PCDH11Y: variants seen among roughly 807,000 people sequenced by gnomAD.
The protein encoded by PCDH11Y is protocadherin-11 Y-linked.
For missense variants in PCDH11Y, 12 were observed against 224.8 expected (o/e 0.05, Z 6.05); for synonymous variants, 9 against 83.6 (o/e 0.11, Z 4.87).
At chrY:5,180,950 C>G in intron 2 of PCDH11Y, among the ~76,000 whole-genome samples, 4 of 32,892 alleles carry the variant, frequency 1.2e-4, no homozygotes, top group Admixed American at 5.6e-4. Context: ...TGAATTTGAT[C>G]CTGCCATCAT....
rs1602962265 is a variant in PCDH11Y at position 5,703,448 on chromosome Y, T to G, written c.3353-33824T>G. ...TCAGCTAGACTGATCAAAAAATATATGAAAGCAAAAATCACCATTATCAGT... is the reference window on the plus strand; with the variant it reads ...TCAGCTAGACTGATCAAAAAATATAGGAAAGCAAAAATCACCATTATCAGT... On this transcript the variant is annotated intron_variant, in intron 4 of 4. Transcript: ENST00000400457. Among the ~76,000 whole-genome samples, 56 of 33,449 alleles carry G rather than the reference T, an allele frequency of 1.7e-3. No individual in the cohort carries two copies. The South Asian group carries it at 0.036, about 21-fold the overall frequency. The allele number at this position is 33,449 out of a possible 37,273, so 89.7% of individuals were successfully genotyped here.
intron 4 of PCDH11Y, among the ~76,000 whole-genome samples, chrY:5,587,372 T>C: frequency 6.1e-5 from 2 of 33,019 alleles, no homozygotes; most frequent in Non-Finnish European, 1.5e-4. Context: ...GAATGATCTC[T>C]TTGCTGAGGA....
At chrY:5,064,866 G>C in intron 1 of PCDH11Y, among the ~76,000 whole-genome samples, 2 of 28,663 alleles carry the variant, frequency 7.0e-5, no homozygotes, top group Non-Finnish European at 1.6e-4. Context: ...CTGCCACAAA[G>C]CTTGGCTAAT....
At chrY:5,114,410 G>A in intron 2 of PCDH11Y, 1 of 59,411 alleles carries the variant, frequency 1.7e-5, no homozygotes, top group Non-Finnish European at 4.0e-5. Context: ...AGACACCGCT[G>A]CAAGGACAAA....
chrY:5,713,525 G>A (rs2053587794), intron 4 of PCDH11Y, among the ~76,000 whole-genome samples: 35 of 31,611 alleles, frequency 1.1e-3, no homozygotes, highest in African/African-American at 3.9e-3. Context: ...TTCCAGAATT[G>A]TGTGAGATTC....
intron 2 of PCDH11Y, among the ~76,000 whole-genome samples, chrY:5,499,309 C>T: frequency 3.0e-5 from 1 of 33,348 alleles, no homozygotes; most frequent in African/African-American, 1.2e-4. Context: ...CTCTGAGAGG[C>T]CCAAAGGAAT....
intron 2 of PCDH11Y, among the ~76,000 whole-genome samples, chrY:5,330,864 T>C: frequency 2.9e-5 from 1 of 34,183 alleles, no homozygotes; most frequent in Non-Finnish European, 7.3e-5. Context: ...CTTATGACTA[T>C]TGAACAATTC....
intron 1 of PCDH11Y, among the ~76,000 whole-genome samples, chrY:5,082,265 G>C: frequency 3.0e-5 from 1 of 33,598 alleles, no homozygotes; most frequent in Non-Finnish European, 7.4e-5. Context: ...GCTGGATTCA[G>C]TTTGCCAGTA....
chrY:5,163,414 A>G, intron 2 of PCDH11Y, among the ~76,000 whole-genome samples: 2 of 33,176 alleles, frequency 6.0e-5, no homozygotes, highest in Non-Finnish European at 1.5e-4. Context: ...ACTACAAATG[A>G]TCACTACAGG....
At chrY:5,088,015 G>A (rs2124633288) in intron 1 of PCDH11Y, among the ~76,000 whole-genome samples, 1 of 32,446 alleles carries the variant, frequency 3.1e-5, no homozygotes, top group Non-Finnish European at 7.5e-5. Flanking sequence ...GTTGGGGGAG[G>A]AGAAGTGGCT....
chrY:5,103,803 A>T, downstream of PCDH11Y, among the ~76,000 whole-genome samples: 2 of 32,133 alleles, frequency 6.2e-5, no homozygotes, highest in Non-Finnish European at 1.5e-4. Context: ...ATAAATAATT[A>T]TTTTAAAATC....
chrY:5,044,850 C>G, intron 3 of PCDH11Y, among the ~76,000 whole-genome samples: 1 of 33,199 alleles, frequency 3.0e-5, no homozygotes, highest in Non-Finnish European at 7.4e-5. Context: ...GAATTGATCC[C>G]TTTACCATTA....
At chrY:5,250,484 G>A (rs2053002890) in intron 2 of PCDH11Y, among the ~76,000 whole-genome samples, 1 of 31,403 alleles carries the variant, frequency 3.2e-5, no homozygotes, top group East Asian at 8.4e-4. Context: ...GAAGCTGGGG[G>A]CCATTACTTT....
intron 2 of PCDH11Y, among the ~76,000 whole-genome samples, chrY:5,224,436 G>A: frequency 3.2e-5 from 1 of 30,872 alleles, no homozygotes; most frequent in African/African-American, 1.3e-4. Context: ...TTCAGAGTAA[G>A]CAGGTGTAAA....
chrY:5,270,296 T>C (rs2053033434), intron 2 of PCDH11Y, among the ~76,000 whole-genome samples: 1 of 27,938 alleles, frequency 3.6e-5, no homozygotes, highest in East Asian at 9.2e-4. Context: ...TCATCTGAGG[T>C]CAGGAGATCG....
At chrY:5,101,815 A>G, downstream of PCDH11Y, among the ~76,000 whole-genome samples, 1 of 33,215 alleles carries the variant, frequency 3.0e-5, no homozygotes, top group African/African-American at 1.2e-4. Context: ...TTCAGGCTTA[A>G]CAAAATAGTA....
At chrY:5,683,765 G>A in intron 4 of PCDH11Y, among the ~76,000 whole-genome samples, 4 of 33,140 alleles carry the variant, frequency 1.2e-4, no homozygotes, top group Non-Finnish European at 3.0e-4. Context: ...ATTCAGAGAT[G>A]CTGAAGAATA....
At chrY:5,297,024 A>G in intron 2 of PCDH11Y, among the ~76,000 whole-genome samples, 1 of 32,881 alleles carries the variant, frequency 3.0e-5, no homozygotes, top group Non-Finnish European at 7.4e-5. Context: ...ACCTTCGTGT[A>G]GTACCTGGGT....
intron 3 of PCDH11Y, among the ~76,000 whole-genome samples, chrY:5,570,830 C>A (rs2124696200): frequency 3.2e-5 from 1 of 31,460 alleles, no homozygotes; most frequent in South Asian, 6.9e-4. Flanking sequence ...TTACAAAGTC[C>A]CAATAAAATA....
Sources: allele counts gnomAD v4.1 joint callset (sites outside exome capture counted in the v4.1 genomes callset), GRCh38; gene constraint gnomAD v4.1.1; transcripts MANE v1.5; gene names NCBI Gene and HGNC (gene_info 2026-07-23, HGNC 2026-07-21).